The following NEBL variants were observed in gnomAD, a reference collection of about 807,000 sequenced individuals.
NEBL encodes the protein LIM and SH3 protein 2.
A neutral mutation model predicts 140.2 loss-of-function variants in NEBL; 122 were observed. That is an observed-to-expected ratio of 0.87 (90% CI 0.75 to 1.01). The LOEUF is 1.01. NEBL is among the 50% of genes least tolerant of loss of function. The probability of loss-of-function intolerance (pLI) is 0.00; values close to 1 mark genes in which losing one functional copy is unlikely to be tolerated. For missense variants in NEBL, 1,365 were observed against 1,231.3 expected (o/e 1.11, Z -1.62); for synonymous variants, 436 against 398.9 (o/e 1.09, Z -1.11).
At chr10:21,041,811 G>A (rs898704466) in intron 2 of NEBL, among the ~76,000 whole-genome samples, 5 of 152,208 alleles carry the variant, frequency 3.3e-5, no homozygotes, top group Admixed American at 6.5e-5. Flanking sequence ...CAGGGAAGGC[G>A]TGGGCAATTT....
At chr10:21,292,069 T>C (rs977033400) in intron 1 of NEBL, among the ~76,000 whole-genome samples, 2 of 152,188 alleles carry the variant, frequency 1.3e-5, no homozygotes, top group Non-Finnish European at 2.9e-5. Flanking sequence ...TAAATGTGTC[T>C]TAGTAAGGAC....
chr10:20,982,356 G>C (rs1837086028), intron 3 of NEBL, among the ~76,000 whole-genome samples: 1 of 149,576 alleles, frequency 6.7e-6, no homozygotes, highest in African/African-American at 2.5e-5. Context: ...TTTCAGCAAG[G>C]GTATCCTATT....
At chr10:21,233,600 CTATA>C (rs1842295179) in intron 3 of NEBL, among the ~76,000 whole-genome samples, 1 of 142,982 alleles carries the variant, frequency 7.0e-6, no homozygotes, top group South Asian at 2.2e-4. Flanking sequence ...ATTTATGTAT[CTATA>C]TATACATATA....
chr10:21,041,197 C>T (rs980975656), intron 2 of NEBL, among the ~76,000 whole-genome samples: 4 of 152,206 alleles, frequency 2.6e-5, no homozygotes, highest in African/African-American at 9.7e-5. Context: ...TCAGTCCTCA[C>T]TCTCCTCCCA....
intron 2 of NEBL, among the ~76,000 whole-genome samples, chr10:21,155,355 C>G (rs192432034): frequency 6.6e-6 from 1 of 152,038 alleles, no homozygotes; most frequent in Non-Finnish European, 1.5e-5. Flanking sequence ...CCTTGTTGTG[C>G]TATCAAATAC....
chr10:21,093,165 T>TTTTTTTTTTTTC (rs1554824236), intron 2 of NEBL, among the ~76,000 whole-genome samples: 1 of 148,020 alleles, frequency 6.8e-6, no homozygotes, highest in African/African-American at 2.5e-5. Context: ...TTTTTTTTTT[T>TTTTTTTTTTTTC]CCATTTTAGC....
intron 2 of NEBL, chr10:21,170,632 A>AT (rs1293081600): frequency 3.3e-5 from 5 of 152,612 alleles, no homozygotes; most frequent in Non-Finnish European, 5.9e-5. Context: ...AGTTTGGGGA[A>AT]TATCTGTGGA....
intron 3 of NEBL, among the ~76,000 whole-genome samples, chr10:20,967,317 G>A (rs567944465): frequency 3.5e-4 from 54 of 152,286 alleles, no homozygotes; most frequent in African/African-American, 1.0e-3. Context: ...TACGCTGAGG[G>A]GAGGAAAAAG....
rs997262065 is a variant in NEBL, at chr10:21,172,783, T to C, written c.70-306A>G. 3.9e-5 allele frequency among the ~76,000 whole-genome samples: 6 copies of C among 152,284 alleles called. No homozygotes were observed. In the East Asian group the frequency reaches 1.2e-3, roughly 29 times the overall value. Reference sequence around the variant, plus strand: ...AGAAACGATTTCTGAGCTCGGTTAATGAAGAAACGGGGCCCAGAGAGTGGC... The same window carrying C: ...AGAAACGATTTCTGAGCTCGGTTAACGAAGAAACGGGGCCCAGAGAGTGGC... On this transcript the variant is annotated intron_variant, in intron 1 of 6. Coordinates refer to the NEBL transcript ENST00000417816.
intron 3 of NEBL, among the ~76,000 whole-genome samples, chr10:20,978,525 G>A (rs1165012552): frequency 1.3e-5 from 2 of 152,058 alleles, no homozygotes; most frequent in African/African-American, 4.8e-5. Context: ...CAGAGGCCAA[G>A]GTGGAAGGAT....
chr10:21,015,236 C>A (rs1001007297), intron 3 of NEBL, among the ~76,000 whole-genome samples: 1 of 151,714 alleles, frequency 6.6e-6, no homozygotes, highest in Non-Finnish European at 1.5e-5. Flanking sequence ...TGAGGAGAGT[C>A]GGGGGGGTTT....
At chr10:20,943,232 A>G (rs1834979849) in intron 4 of NEBL, among the ~76,000 whole-genome samples, 1 of 152,262 alleles carries the variant, frequency 6.6e-6, no homozygotes, top group African/African-American at 2.4e-5. Flanking sequence ...AATGTGGCAC[A>G]TATACACCAT....
intron 4 of NEBL, 134 bp downstream of exon 4, chr10:20,887,963 A>G: frequency 1.4e-6 from 1 of 714,122 alleles, no homozygotes; most frequent in South Asian, 1.5e-5. Context: ...CTGACAGCAC[A>G]TTAATCAGTT....
chr10:20,899,671 A>G (rs1407436464), upstream of NEBL: 1 of 312,578 alleles, frequency 3.2e-6, no homozygotes, highest in South Asian at 2.7e-5. Context: ...AAGCCATTCA[A>G]TGAAGCACTA....
chr10:20,915,044 C>G (rs1009083262), intron 4 of NEBL, among the ~76,000 whole-genome samples: 1 of 148,034 alleles, frequency 6.8e-6, no homozygotes, highest in Non-Finnish European at 1.5e-5. Context: ...CTCAGGTGAT[C>G]CACCCACCTC....
intron 3 of NEBL, among the ~76,000 whole-genome samples, chr10:20,976,165 T>A (rs1836789290): frequency 6.6e-6 from 1 of 150,754 alleles, no homozygotes; most frequent in Non-Finnish European, 1.5e-5. Context: ...TGAAACCCCA[T>A]CTCTACTAAA....
chr10:20,864,825 C>T (rs2131192961), intron 7 of NEBL, among the ~76,000 whole-genome samples: 1 of 152,290 alleles, frequency 6.6e-6, no homozygotes, highest in Non-Finnish European at 1.5e-5. Flanking sequence ...AAATGGAATA[C>T]ACTGAGTTCA....
At chr10:21,262,303 G>GC (rs1371903313) in intron 1 of NEBL, among the ~76,000 whole-genome samples, 1 of 152,200 alleles carries the variant, frequency 6.6e-6, no homozygotes, top group Non-Finnish European at 1.5e-5. Flanking sequence ...TGCTGGGGAA[G>GC]AGGTTAAACT....
At chr10:20,943,928 A>T (rs538028464) in intron 4 of NEBL, among the ~76,000 whole-genome samples, 41 of 152,314 alleles carry the variant, frequency 2.7e-4, no homozygotes, top group African/African-American at 9.9e-4. Context: ...GTCTGTATCC[A>T]CTAAAATGAC....
Sources: allele counts gnomAD v4.1 joint callset (sites outside exome capture counted in the v4.1 genomes callset), GRCh38; gene constraint gnomAD v4.1.1; transcripts MANE v1.5; gene names NCBI Gene and HGNC (gene_info 2026-07-23, HGNC 2026-07-21).